The following SLC12A5 variants were observed in gnomAD, a reference collection of about 807,000 sequenced individuals.
SLC12A5 encodes the protein K-Cl cotransporter 2.
A neutral mutation model predicts 124.0 loss-of-function variants in SLC12A5; 18 were observed. The observed-to-expected ratio is 0.15, with a 90% CI of 0.10 to 0.22. The LOEUF (loss-of-function observed/expected upper bound fraction) is 0.22, where lower values mean the gene tolerates loss of function less well. SLC12A5 is among the 10% of genes least tolerant of loss of function. The pLI, the probability that SLC12A5 is intolerant of heterozygous loss-of-function variation, is 1.00. For synonymous variants in SLC12A5, 589 were observed against 568.0 expected, an observed-to-expected ratio of 1.04 and a Z score of -0.53; for missense variants, 867 against 1,478.7, an observed-to-expected ratio of 0.59 and a Z score of 6.78.
At chr20:46,055,997 T>C (rs1413475226) in intron 21 of SLC12A5, 153 bp from the exon 22 acceptor site, 5 of 1,043,734 alleles carry the variant, frequency 4.8e-6, no homozygotes, top group Non-Finnish European at 6.9e-6. Context: ...AGTGGTGCAG[T>C]AGCTATTTGG....
chr20:46,042,839 G>A (rs1273459328), intron 8 of SLC12A5, among the ~76,000 whole-genome samples: 1 of 152,070 alleles, frequency 6.6e-6, no homozygotes, highest in Non-Finnish European at 1.5e-5. Context: ...GCTGGTTTGG[G>A]GTGGGTGGAG....
At chr20:46,035,369 C>G (rs372676625) in intron 2 of SLC12A5, 35 bp from the exon 3 acceptor site, 63 of 1,591,816 alleles carry the variant, frequency 4.0e-5, no homozygotes, top group East Asian at 2.0e-4. Context: ...CACTTGCTCC[C>G]CCAGCCTCCT....
chr20:46,037,548 G>A (rs746797650), intron 6 of SLC12A5, among the ~76,000 whole-genome samples, 163 bp downstream of exon 6: 14 of 152,194 alleles, frequency 9.2e-5, no homozygotes, highest in Admixed American at 2.0e-4. Flanking sequence ...TCACAGTCTA[G>A]TTGGGGAGAC....
At chr20:46,022,737 G>C (rs2145465062) in intron 1 of SLC12A5, 1 of 398,446 alleles carries the variant, frequency 2.5e-6, no homozygotes, top group Middle Eastern at 6.3e-4. Flanking sequence ...CGCGGGCCCT[G>C]TGCAGGGTCT....
intron 4 of SLC12A5, 91 bp downstream of exon 4, chr20:46,036,014 C>T: frequency 2.7e-6 from 4 of 1,464,744 alleles, no homozygotes; most frequent in Non-Finnish European, 3.6e-6. Flanking sequence ...AGCATGAGAC[C>T]TGAGCTTTTT....
Position 46,056,671 on chromosome 20 carries a change from C to A in SLC12A5, c.3110+107C>A, listed in dbSNP as rs1443589343. On this transcript the variant is annotated intron_variant, in intron 23 of 25. Coordinates refer to ENST00000243964, the MANE Select transcript of SLC12A5 (RefSeq NM_020708.5). The surrounding 1 kb of genome is among the most constrained non-coding windows in gnomAD (Gnocchi z 4.3). ...GCATCCTGGTCTGTCAGCCTGCAGACCCAGCTCAGACATTGTCTTGGTTTC... is the reference window on the plus strand; with the variant it reads ...GCATCCTGGTCTGTCAGCCTGCAGAACCAGCTCAGACATTGTCTTGGTTTC... 3 of 1,269,536 alleles carry A rather than the reference C, an allele frequency of 2.4e-6. No homozygotes were observed. In the East Asian group the frequency reaches 7.3e-5, roughly 31 times the overall value. 78.6% of individuals were successfully genotyped at this position (1,269,536 alleles called of 1,614,324 possible).
upstream of SLC12A5, chr20:46,027,579 T>C (rs1020063905): frequency 1.3e-5 from 2 of 152,236 alleles, no homozygotes; most frequent in African/African-American, 4.8e-5. Flanking sequence ...CCTGCACCTC[T>C]GAAGCCTGAG....
chr20:46,052,735 G>A (rs936829129), intron 18 of SLC12A5, among the ~76,000 whole-genome samples: 3 of 152,206 alleles, frequency 2.0e-5, no homozygotes, highest in South Asian at 2.1e-4. Context: ...GACAGGTGGG[G>A]AAACTGAGGC....
upstream of SLC12A5, among the ~76,000 whole-genome samples, chr20:46,025,292 T>C (rs2084387758): frequency 1.3e-5 from 2 of 152,172 alleles, no homozygotes; most frequent in African/African-American, 4.8e-5. Context: ...ATATGTTGGA[T>C]CTGGAGATTT....
At chr20:46,044,853 C>G in intron 11 of SLC12A5, 113 bp from the exon 12 acceptor site, 1 of 1,205,398 alleles carries the variant, frequency 8.3e-7, no homozygotes, top group East Asian at 2.4e-5. Flanking sequence ...GTCACCCTTA[C>G]AGAACTTAGT....
chr20:46,039,049 A>G (rs945928346), intron 6 of SLC12A5, among the ~76,000 whole-genome samples: 2 of 152,242 alleles, frequency 1.3e-5, no homozygotes, highest in African/African-American at 4.8e-5. Flanking sequence ...AAAGAAGGAA[A>G]TAAGTCACCC....
chr20:46,041,325 C>A lies in SLC12A5; in HGVS notation c.855-4C>A. On this transcript the variant is annotated splice_region_variant and splice_polypyrimidine_tract_variant and intron_variant, in intron 7 of 25. Transcript: ENST00000243964. ...CCACCTTCCTCCCTTGTTTCTCTCCCTAGGATCTGCCTCCTGGGTAACCGC... is the reference window on the plus strand; with the variant it reads ...CCACCTTCCTCCCTTGTTTCTCTCCATAGGATCTGCCTCCTGGGTAACCGC... 1 of 1,613,862 alleles carries A rather than the reference C, an allele frequency of 6.2e-7. No homozygotes were observed. The highest frequency in any genetic ancestry group is 1.1e-5 in the South Asian group (1 of 91,060).
At chr20:46,054,613 T>G (rs1190770840) in intron 20 of SLC12A5, among the ~76,000 whole-genome samples, 1 of 152,246 alleles carries the variant, frequency 6.6e-6, no homozygotes, top group Non-Finnish European at 1.5e-5. Flanking sequence ...CTTCTTTCCC[T>G]TCTCCATTCA....
chr20:46,026,752 G>A (rs182539147), upstream of SLC12A5, among the ~76,000 whole-genome samples: 16 of 152,332 alleles, frequency 1.1e-4, no homozygotes, highest in Non-Finnish European at 2.4e-4. Flanking sequence ...GAGATACACA[G>A]AGAATTTGGG....
Position 46,023,099 on chromosome 20 carries a change from C to T in SLC12A5, c.190+28C>T, listed in dbSNP as rs776131502. 1.1e-3 allele frequency: 442 copies of T among 399,636 alleles called. 2 individuals are homozygous for T. The highest frequency in any genetic ancestry group is 1.9e-3 in the Middle Eastern group (3 of 1,600). The allele number at this position is 399,636 out of a possible 1,614,324, so 24.8% of individuals were successfully genotyped here. ...GAGCTCGCCCCGAAGCAAACCCAAG[C>T]GCCGAAACCCCTAGAGTAACCCTTA... On this transcript the variant is annotated intron_variant, in intron 2 of 2. Coordinates refer to the SLC12A5 transcript ENST00000413737.
chr20:46,055,149 A>G, intron 21 of SLC12A5, 126 bp downstream of exon 21: 2 of 689,102 alleles, frequency 2.9e-6, no homozygotes, highest in South Asian at 3.5e-5. Flanking sequence ...TGATTCCCCC[A>G]ACCACACCTC....
chr20:46,031,828 C>A (rs1241225458), intron 1 of SLC12A5, among the ~76,000 whole-genome samples: 2 of 152,196 alleles, frequency 1.3e-5, no homozygotes, highest in African/African-American at 4.8e-5. Flanking sequence ...CCCTGCCTCT[C>A]GCGCGCGCGC....
rs566810535 is a variant in SLC12A5 at position 46,056,599 on chromosome 20, G to A, written c.3110+35G>A. On this transcript the variant is annotated intron_variant, in intron 23 of 25. Transcript: ENST00000243964. This position sits in a 1 kb window ranked among gnomAD's most constrained non-coding sequence, Gnocchi z 4.3. Reference sequence around the variant, plus strand: ...TGGGGGCTAAGGGCTGGGGGCTGGGGTGAGCTAAAGGGTCTTGCTCCCCAT... The same window carrying A: ...TGGGGGCTAAGGGCTGGGGGCTGGGATGAGCTAAAGGGTCTTGCTCCCCAT... The A allele has an allele frequency of 1.9e-6, 3 of 1,597,316 alleles. No individual in the cohort carries two copies. In the South Asian group the frequency reaches 3.4e-5, roughly 18 times the overall value.
intron 18 of SLC12A5, among the ~76,000 whole-genome samples, chr20:46,052,267 T>C (rs2084653180): frequency 6.6e-6 from 1 of 152,240 alleles, no homozygotes; most frequent in Non-Finnish European, 1.5e-5. Context: ...TAATAGTATA[T>C]ATAATAACTA....
Sources: gnomAD v4.1 joint callset for allele counts (sites outside exome capture counted in the v4.1 genomes callset) on GRCh38, gnomAD v4.1.1 for gene constraint, Gnocchi (gnomAD v3.1) non-coding constraint, MANE v1.5 for transcripts, NCBI Gene and HGNC (gene_info 2026-07-23, HGNC 2026-07-21) for gene names.